Variants in NPHP4 observed in about 807,000 individuals in gnomAD.
The protein encoded by NPHP4 is nephrocystin-4.
NPHP4 carries 151 observed loss-of-function variants against 155.8 expected under a neutral mutation model. The observed-to-expected ratio is 0.97, with a 90% CI of 0.85 to 1.11. The LOEUF (loss-of-function observed/expected upper bound fraction) is 1.11. Among genes scored for constraint, NPHP4 ranks in the 50% least tolerant of loss-of-function variants. NPHP4 has a pLI of 0.00. For missense variants in NPHP4, 1,956 were observed against 1,925.7 expected (o/e 1.02, Z -0.29); for synonymous variants, 845 against 816.8 (o/e 1.03, Z -0.59).
In NPHP4 at chr1:5,877,441, A is replaced by G. The variant is rs1319327183; in HGVS notation, c.2612-143T>C. 9 of 526,038 alleles carry G rather than the reference A, an allele frequency of 1.7e-5. No homozygotes were observed. The East Asian group carries it at 2.5e-4, about 15-fold the overall frequency. The allele number at this position is 526,038 out of a possible 1,614,324, so 32.6% of individuals were successfully genotyped here. A position where few individuals can be genotyped will look rare whatever the true frequency, so the allele number is the denominator to read the frequency against. On this transcript the variant is annotated intron_variant, in intron 19 of 29. Transcript: ENST00000378156. ...CATGCTTTTTGCAGCTCCAATCTGC[A>G]GAGTTCTGAGATCCAGATAAAGATG...
chr1:5,919,036 C>T (rs868633615), intron 11 of NPHP4, among the ~76,000 whole-genome samples: 1 of 152,234 alleles, frequency 6.6e-6, no homozygotes, highest in South Asian at 2.1e-4. Flanking sequence ...AGCTAACAAT[C>T]TGTGCGTATC....
chr1:5,906,283 T>C (rs1449543482), intron 13 of NPHP4, among the ~76,000 whole-genome samples: 1 of 152,182 alleles, frequency 6.6e-6, no homozygotes, highest in East Asian at 1.9e-4. Context: ...CCCTGAAACT[T>C]CTTGTCATTC....
At chr1:5,874,005 G>A (rs1439227153) in intron 22 of NPHP4, among the ~76,000 whole-genome samples, 2 of 151,674 alleles carry the variant, frequency 1.3e-5, no homozygotes, top group Non-Finnish European at 2.9e-5. Flanking sequence ...CATACATCCT[G>A]CACACATACC....
rs150572799 is a variant in NPHP4 at position 5,900,279 on chromosome 1, T to C, written c.2143+4338A>G. 8.7e-4 allele frequency among the ~76,000 whole-genome samples: 133 copies of C among 152,344 alleles called. 1 individual carries two copies. The East Asian group carries it at 0.021, about 24-fold the overall frequency. ...TACACAAATGTTTCTGACAGCTTCATTCAAAATTGCCAAAAACTGTAAACA... is the reference window on the plus strand; with the variant it reads ...TACACAAATGTTTCTGACAGCTTCACTCAAAATTGCCAAAAACTGTAAACA... On this transcript the variant is annotated intron_variant, in intron 16 of 29. Transcript: ENST00000378156.
intron 10 of NPHP4, among the ~76,000 whole-genome samples, chr1:5,930,113 T>C (rs1485578039): frequency 6.6e-6 from 1 of 152,194 alleles, no homozygotes; most frequent in African/African-American, 2.4e-5. Flanking sequence ...TCCCTTATTA[T>C]CCTTTTAATA....
At chr1:5,921,243 T>A (rs1165239210) in intron 11 of NPHP4, among the ~76,000 whole-genome samples, 1 of 152,262 alleles carries the variant, frequency 6.6e-6, no homozygotes, top group Non-Finnish European at 1.5e-5. Context: ...AGCATTTCAC[T>A]GTCCAAGTAA....
At chr1:5,874,743 C>T (rs898452630) in intron 21 of NPHP4, 86 bp from the exon 22 acceptor site, 5 of 1,528,600 alleles carry the variant, frequency 3.3e-6, no homozygotes, top group Non-Finnish European at 4.5e-6. Context: ...GAGAGCGGTG[C>T]TCAGAGGAGT....
chr1:5,902,938 G>A (rs1269823886), intron 16 of NPHP4, among the ~76,000 whole-genome samples: 1 of 152,188 alleles, frequency 6.6e-6, no homozygotes, highest in Non-Finnish European at 1.5e-5. Context: ...GTGGCATTAT[G>A]GCCAGAGAAA....
chr1:5,970,093 A>C (rs1245593836), intron 3 of NPHP4, among the ~76,000 whole-genome samples: 1 of 152,200 alleles, frequency 6.6e-6, no homozygotes, highest in African/African-American at 2.4e-5. Flanking sequence ...AAGACAGCAC[A>C]GGAGACTCAA....
chr1:5,922,030 G>A (rs1414951914), intron 11 of NPHP4, among the ~76,000 whole-genome samples: 3 of 152,240 alleles, frequency 2.0e-5, no homozygotes, highest in African/African-American at 7.2e-5. Context: ...GGATGACCCT[G>A]GATTATCCAG....
chr1:5,988,088 C>T (rs190489578), intron 1 of NPHP4, among the ~76,000 whole-genome samples: 8 of 152,278 alleles, frequency 5.3e-5, no homozygotes, highest in Admixed American at 2.6e-4. Context: ...CTGAACAATG[C>T]GTAATGGTAC....
intron 11 of NPHP4, among the ~76,000 whole-genome samples, chr1:5,924,945 C>T (rs1240967320): frequency 6.6e-6 from 1 of 152,168 alleles, no homozygotes; most frequent in Non-Finnish European, 1.5e-5. Flanking sequence ...CATGAGCCAC[C>T]ATGCCTGGCC....
At position 5,867,082 on chromosome 1, in the gene NPHP4, G is replaced by A; in HGVS notation, c.3506C>T (p.Pro1169Leu). 1.2e-6 allele frequency: 2 copies of A among 1,612,468 alleles called. No individual in the cohort carries two copies. The highest frequency in any genetic ancestry group is 2.2e-5 in the East Asian group (1 of 44,828). ...CGGGTCGCTGCAGCGAACATGGACT[G>A]GGGGGTCCTCACCAAGCATTCCCAC... The part of the protein sequence containing the change: ...APVGMLGEDP[P>L]VHVRCSDPNV... Residue 1169 changes from proline (P) to leucine (L), a missense_variant, in exon 25 of 30, where the codon CCA becomes CTA. Physicochemically the swap from Pro to Leu is moderately conservative, Grantham distance 98. Coordinates refer to ENST00000378156, the MANE Select transcript of NPHP4 (RefSeq NM_015102.5). This position sits in a 1 kb window ranked among gnomAD's most constrained non-coding sequence, Gnocchi z 4.1.
chr1:5,920,449 C>T (rs1007653221), intron 11 of NPHP4, among the ~76,000 whole-genome samples: 39 of 152,138 alleles, frequency 2.6e-4, no homozygotes, highest in African/African-American at 7.5e-4. Context: ...CTGGCGGCCC[C>T]GTGTTAATTG....
At chr1:5,881,978 A>G (rs1052554020) in intron 18 of NPHP4, 3 of 152,290 alleles carry the variant, frequency 2.0e-5, no homozygotes, top group African/African-American at 4.8e-5. Context: ...GCTCAGCGCC[A>G]TCCCTGGAGG....
chr1:5,978,299 TCTTCGTCGG>T lies in NPHP4; in HGVS notation c.241_249del (p.Pro81_Lys83del). ...TTAAAGACGATCCTGGACGGCGGTC[TCTTCGTCGG>T]CTTCACTGTGGTTTTCCACGTCCTC... is the stretch of plus-strand genomic sequence containing the variant. On this transcript the variant is annotated inframe_deletion, in exon 3 of 30. Transcript: ENST00000378156. The T allele has an allele frequency of 6.2e-7, 1 of 1,608,838 alleles. No individual in the cohort carries two copies. Among genetic ancestry groups the T allele is most frequent in the Non-Finnish European group, 8.5e-7 (1 of 1,177,898 alleles).
chr1:5,925,214 G>A (rs910361117), intron 11 of NPHP4, among the ~76,000 whole-genome samples: 19 of 152,198 alleles, frequency 1.2e-4, no homozygotes, highest in African/African-American at 4.6e-4. Flanking sequence ...GGTTGTATCT[G>A]CACTGAACAC....
chr1:5,892,336 G>A lies in NPHP4; in HGVS notation c.2144-1308C>T, dbSNP rs886932663. On this transcript the variant is annotated intron_variant, in intron 16 of 29. Transcript: ENST00000378156. The surrounding 1 kb of genome is among the most constrained non-coding windows in gnomAD (Gnocchi z 4.5). ...GAGGAGCCTAGACCAGGATGGCCCC[G>A]TGCCTAGCATGCTCCTGCCCCCCAC... is the stretch of plus-strand genomic sequence containing the variant. 1.3e-5 allele frequency among the ~76,000 whole-genome samples: 2 copies of A among 152,186 alleles called. No homozygotes were observed. Among genetic ancestry groups the A allele is most frequent in the Non-Finnish European group, 2.9e-5 (2 of 67,976 alleles).
intron 3 of NPHP4, among the ~76,000 whole-genome samples, chr1:5,971,605 G>A (rs369090228): frequency 2.3e-4 from 35 of 152,110 alleles, no homozygotes; most frequent in Non-Finnish European, 4.1e-4. Context: ...TGCACCCCTC[G>A]GGTCACCCCA....
Sources: gnomAD v4.1 joint callset for allele counts (sites outside exome capture counted in the v4.1 genomes callset) on GRCh38, gnomAD v4.1.1 for gene constraint, Gnocchi (gnomAD v3.1) non-coding constraint, MANE v1.5 for transcripts, NCBI Gene and HGNC (gene_info 2026-07-23, HGNC 2026-07-21) for gene names.